Variants in ZNF385D observed in about 807,000 individuals in gnomAD.
The protein encoded by ZNF385D is zinc finger protein 385D, also known as zinc finger protein 659.
ZNF385D carries 15 observed loss-of-function variants against 35.8 expected under a neutral mutation model. That is an observed-to-expected ratio of 0.42 (90% CI 0.28 to 0.64). The LOEUF is 0.64. Among genes scored for constraint, ZNF385D ranks in the 30% least tolerant of loss-of-function variants. ZNF385D has a pLI of 0.23. For synonymous variants in ZNF385D, 212 were observed against 186.8 expected (o/e 1.13, Z -1.10); for missense variants, 474 against 494.6 (o/e 0.96, Z 0.39).
intron 2 of ZNF385D, among the ~76,000 whole-genome samples, chr3:22,180,983 G>A (rs1382041339): frequency 1.4e-5 from 2 of 138,038 alleles, no homozygotes; most frequent in Admixed American, 1.5e-4. Context: ...AAAGTCTCAG[G>A]TTTTCTTTCT....
intron 2 of ZNF385D, among the ~76,000 whole-genome samples, chr3:21,657,569 C>T (rs1032015264): frequency 6.6e-6 from 1 of 151,894 alleles, no homozygotes; most frequent in African/African-American, 2.4e-5. Context: ...ATGAACAGAA[C>T]TAGAGAGCAA....
chr3:21,884,836 G>C (rs1034531832), intron 3 of ZNF385D, among the ~76,000 whole-genome samples: 1 of 151,992 alleles, frequency 6.6e-6, no homozygotes, highest in East Asian at 1.9e-4. Flanking sequence ...TTTAAATAAA[G>C]GTTGATTTAT....
intron 1 of ZNF385D, among the ~76,000 whole-genome samples, chr3:21,690,242 T>C (rs2067238360): frequency 2.6e-5 from 4 of 151,928 alleles, no homozygotes; most frequent in Admixed American, 2.0e-4. Context: ...CACACACACA[T>C]ATTCATATAC....
intron 2 of ZNF385D, among the ~76,000 whole-genome samples, chr3:21,569,324 CTTTGTCTCT>C (rs1435932198): frequency 1.3e-5 from 2 of 148,826 alleles, no homozygotes; most frequent in Non-Finnish European, 3.0e-5. Flanking sequence ...TAATGGCCTT[CTTTGTCTCT>C]TTTGATCTTT....
intron 2 of ZNF385D, among the ~76,000 whole-genome samples, chr3:21,598,934 A>G (rs1317525613): frequency 6.6e-6 from 1 of 152,216 alleles, no homozygotes; most frequent in African/African-American, 2.4e-5. Flanking sequence ...GCTGAATGGA[A>G]CAACTAGGTG....
At chr3:22,146,340 G>A (rs540322446) in intron 3 of ZNF385D, among the ~76,000 whole-genome samples, 36 of 152,110 alleles carry the variant, frequency 2.4e-4, no homozygotes, top group Admixed American at 1.8e-3. Flanking sequence ...CATTCCACAG[G>A]TATTTCCCAT....
intron 4 of ZNF385D, among the ~76,000 whole-genome samples, chr3:21,479,049 G>GTATATA (rs10646425): frequency 6.7e-6 from 1 of 150,340 alleles, no homozygotes; most frequent in African/African-American, 2.4e-5. Flanking sequence ...TAAATATTGG[G>GTATATA]TATATATATA....
At chr3:22,136,418 T>C (rs1352580181) in intron 3 of ZNF385D, among the ~76,000 whole-genome samples, 1 of 151,266 alleles carries the variant, frequency 6.6e-6, no homozygotes, top group Non-Finnish European at 1.5e-5. Flanking sequence ...AATCTACATA[T>C]CATCAAAATT....
rs531763945 is a variant in ZNF385D, at chr3:21,696,054, A to G, written c.23-31026T>C. 4.2e-4 allele frequency among the ~76,000 whole-genome samples: 64 copies of G among 152,208 alleles called. 1 individual carries two copies. The South Asian group carries it at 0.013, about 32-fold the overall frequency. On this transcript the variant is annotated intron_variant, in intron 1 of 7. Coordinates refer to ENST00000281523, the MANE Select transcript of ZNF385D (RefSeq NM_024697.3). ...GAAGTGAGGTCCAGATCGGTAAATC[A>G]TTTTGCCCAATTTCCTACAACTATT...
intron 1 of ZNF385D, among the ~76,000 whole-genome samples, chr3:21,715,176 A>C (rs1448871716): frequency 6.6e-6 from 1 of 152,140 alleles, no homozygotes; most frequent in African/African-American, 2.4e-5. Context: ...CAAGACTTTC[A>C]GGGTATCCAT....
chr3:22,086,979 T>C (rs975413845), intron 3 of ZNF385D, among the ~76,000 whole-genome samples: 2 of 152,084 alleles, frequency 1.3e-5, no homozygotes, highest in Admixed American at 6.6e-5. Flanking sequence ...AATTACCTAA[T>C]GTAAATGACA....
chr3:21,594,006 A>G (rs1278082950), intron 2 of ZNF385D, among the ~76,000 whole-genome samples: 1 of 152,108 alleles, frequency 6.6e-6, no homozygotes, highest in Non-Finnish European at 1.5e-5. Context: ...CAGTTAAGGC[A>G]GTTTAACTAC....
intron 3 of ZNF385D, among the ~76,000 whole-genome samples, chr3:21,899,447 A>G (rs1361938735): frequency 6.6e-6 from 1 of 152,164 alleles, no homozygotes; most frequent in East Asian, 1.9e-4. Context: ...AGCACACATT[A>G]CTGGTCCCCA....
At chr3:22,296,857 C>T (rs538499875) in intron 2 of ZNF385D, among the ~76,000 whole-genome samples, 2 of 152,180 alleles carry the variant, frequency 1.3e-5, no homozygotes, top group Admixed American at 6.5e-5. Context: ...AGCCTTAGGC[C>T]AGCAACTGGC....
chr3:22,251,401 T>C (rs1700058246), intron 2 of ZNF385D, among the ~76,000 whole-genome samples: 1 of 152,162 alleles, frequency 6.6e-6, no homozygotes, highest in Admixed American at 6.6e-5. Flanking sequence ...TAATACCATG[T>C]ATTACAATGG....
chr3:21,840,169 G>A (rs1293058069), intron 3 of ZNF385D, among the ~76,000 whole-genome samples: 1 of 152,008 alleles, frequency 6.6e-6, no homozygotes, highest in Non-Finnish European at 1.5e-5. Context: ...AACTGAATTT[G>A]TATTTCAGTG....
At chr3:22,311,292 C>T (rs1703534386) in intron 2 of ZNF385D, among the ~76,000 whole-genome samples, 1 of 151,906 alleles carries the variant, frequency 6.6e-6, no homozygotes, top group Admixed American at 6.6e-5. Flanking sequence ...GAGTGAAACA[C>T]AAAACGGTAA....
intron 3 of ZNF385D, among the ~76,000 whole-genome samples, chr3:21,928,322 A>G (rs1444939137): frequency 5.9e-5 from 8 of 134,560 alleles, no homozygotes; most frequent in Admixed American, 4.5e-4. Flanking sequence ...GGAGGGAGGA[A>G]GGAAGGAAGG....
chr3:21,959,265 C>T (rs1159637058), intron 3 of ZNF385D, among the ~76,000 whole-genome samples: 1 of 152,050 alleles, frequency 6.6e-6, no homozygotes, highest in Admixed American at 6.6e-5. Context: ...ATAAGAAAAA[C>T]ACACTTCAAA....
Sources: allele counts gnomAD v4.1 joint callset (sites outside exome capture counted in the v4.1 genomes callset), GRCh38; gene constraint gnomAD v4.1.1; transcripts MANE v1.5; gene names NCBI Gene and HGNC (gene_info 2026-07-23, HGNC 2026-07-21).